The following PRKCB variants were observed in gnomAD, a reference collection of about 807,000 sequenced individuals.
The protein encoded by PRKCB is protein kinase C beta, also known as protein kinase C beta type.
Under a neutral mutation model 81.5 loss-of-function variants are expected in PRKCB, and 13 were observed. The observed-to-expected ratio is 0.16, with a 90% CI of 0.10 to 0.25. PRKCB has a LOEUF of 0.25. Among genes scored for constraint, PRKCB ranks in the 10% least tolerant of loss-of-function variants. The pLI, the probability that PRKCB is intolerant of heterozygous loss-of-function variation, is 1.00. For missense variants in PRKCB, 509 were observed against 875.7 expected (o/e 0.58, Z 5.29); for synonymous variants, 335 against 321.4 (o/e 1.04, Z -0.45).
rs1965316433 is a variant in PRKCB, at chr16:24,018,567, C to A, written c.289-13569C>A. Among the ~76,000 whole-genome samples the A allele has an allele frequency of 2.6e-5, 4 of 152,190 alleles. No homozygotes were observed. In the South Asian group the frequency reaches 8.3e-4, roughly 31 times the overall value. ...AAGCTTAGATGTGGCTACTAATTCA[C>A]CCCTATATTGACATGGACTGCAGTG... On this transcript the variant is annotated intron_variant, in intron 3 of 16. Transcript: ENST00000643927.
intron 5 of PRKCB, among the ~76,000 whole-genome samples, chr16:24,050,989 A>G (rs1965834348): frequency 6.6e-6 from 1 of 151,042 alleles, no homozygotes; most frequent in Admixed American, 6.6e-5. Flanking sequence ...TTCATCTTGT[A>G]GGGTTTGGCC....
chr16:24,066,964 C>T (rs919187791), intron 5 of PRKCB, among the ~76,000 whole-genome samples: 1 of 152,126 alleles, frequency 6.6e-6, no homozygotes, highest in Non-Finnish European at 1.5e-5. Flanking sequence ...ATCTTCCCAC[C>T]TCAGCCTCCT....
intron 10 of PRKCB, among the ~76,000 whole-genome samples, chr16:24,156,703 C>A (rs1326402468): frequency 1.3e-5 from 2 of 152,202 alleles, no homozygotes; most frequent in Non-Finnish European, 2.9e-5. Flanking sequence ...TACACCTAAC[C>A]TTACTAGTCC....
intron 3 of PRKCB, among the ~76,000 whole-genome samples, chr16:24,000,733 T>C (rs1300496883): frequency 6.6e-6 from 1 of 152,182 alleles, no homozygotes; most frequent in Non-Finnish European, 1.5e-5. Context: ...GTACTGACAA[T>C]TCTCTACATT....
chr16:23,997,235 T>C (rs186845050), intron 3 of PRKCB, among the ~76,000 whole-genome samples: 4 of 152,202 alleles, frequency 2.6e-5, no homozygotes, highest in Middle Eastern at 3.4e-3. Flanking sequence ...TAAGGGGAAA[T>C]TGGACACTAC....
At chr16:24,035,334 G>T (rs11643225) in intron 4 of PRKCB, 85 bp from the exon 5 acceptor site, 77,264 of 1,509,964 alleles carry the variant, frequency 0.051, 2,088 homozygotes, top group Non-Finnish European at 0.056. Flanking sequence ...AAACAGGAAG[G>T]GCTCAGCGGT....
chr16:24,021,024 CTTT>C (rs1965363559), intron 3 of PRKCB, among the ~76,000 whole-genome samples: 2 of 140,210 alleles, frequency 1.4e-5, no homozygotes, highest in South Asian at 2.4e-4. Context: ...TTCTTTCTTT[CTTT>C]CTTTCTTTCT....
chr16:23,944,607 C>A (rs764372310), intron 2 of PRKCB, among the ~76,000 whole-genome samples: 5 of 152,184 alleles, frequency 3.3e-5, no homozygotes, highest in Non-Finnish European at 5.9e-5. Context: ...TCCTTCTTGG[C>A]AGGACTTAGG....
At chr16:23,945,546 T>G (rs1352868281) in intron 2 of PRKCB, among the ~76,000 whole-genome samples, 2 of 152,082 alleles carry the variant, frequency 1.3e-5, no homozygotes, top group African/African-American at 4.8e-5. Flanking sequence ...ATGAGGAGCC[T>G]CACTGTGGGC....
intron 2 of PRKCB, among the ~76,000 whole-genome samples, chr16:23,898,386 G>A (rs752888590): frequency 6.6e-6 from 1 of 152,034 alleles, no homozygotes; most frequent in Admixed American, 6.6e-5. Flanking sequence ...ATTTAATTGA[G>A]TGCCTGTTGT....
At chr16:23,987,930 A>G (rs180690720) in intron 2 of PRKCB, among the ~76,000 whole-genome samples, 146 of 152,298 alleles carry the variant, frequency 9.6e-4, no homozygotes, top group Admixed American at 2.6e-3. Context: ...AAATGTGTGT[A>G]TATATGTATT....
intron 5 of PRKCB, among the ~76,000 whole-genome samples, chr16:24,075,310 T>A (rs117266364): frequency 1.3e-5 from 2 of 152,268 alleles, no homozygotes; most frequent in African/African-American, 2.4e-5. Flanking sequence ...CACTGCCCAA[T>A]GCATGCAGCA....
In PRKCB at chr16:24,074,620, T is replaced by G. The variant is rs562124829; in HGVS notation, c.530-18171T>G. Among the ~76,000 whole-genome samples the G allele has an allele frequency of 5.7e-4, 87 of 152,326 alleles. 1 individual carries two copies. Among genetic ancestry groups the G allele is most frequent in the African/African-American group, 1.9e-3 (78 of 41,580 alleles). On this transcript the variant is annotated intron_variant, in intron 5 of 16. Coordinates refer to ENST00000643927, the MANE Select transcript of PRKCB (RefSeq NM_002738.7). ...GAACAAAAAGAACATGTATTTAAAATCAGTAGGCAACAGTGAGTCAGTGAG... is the reference window on the plus strand; with the variant it reads ...GAACAAAAAGAACATGTATTTAAAAGCAGTAGGCAACAGTGAGTCAGTGAG...
chr16:24,190,205 T>G (rs1269150889), intron 15 of PRKCB, among the ~76,000 whole-genome samples: 1 of 152,238 alleles, frequency 6.6e-6, no homozygotes, highest in Admixed American at 6.5e-5. Flanking sequence ...GGCTAGGTTT[T>G]GACTATTTAA....
chr16:23,888,848 A>G (rs1963244916), intron 2 of PRKCB, among the ~76,000 whole-genome samples: 1 of 152,166 alleles, frequency 6.6e-6, no homozygotes, highest in Non-Finnish European at 1.5e-5. Flanking sequence ...ATTATGTCTT[A>G]TATAGGTCCC....
chr16:24,016,059 C>T (rs1351507720), intron 3 of PRKCB, among the ~76,000 whole-genome samples: 1 of 152,094 alleles, frequency 6.6e-6, no homozygotes, highest in East Asian at 1.9e-4. Flanking sequence ...GTAATTCATT[C>T]CCTAGAACCT....
At chr16:23,916,275 T>G (rs923137096) in intron 2 of PRKCB, among the ~76,000 whole-genome samples, 3 of 145,002 alleles carry the variant, frequency 2.1e-5, no homozygotes, top group Non-Finnish European at 4.5e-5. Context: ...CCCAGGCTGG[T>G]CTTGAACTCC....
chr16:24,169,296 T>G (rs1967400873), intron 10 of PRKCB, among the ~76,000 whole-genome samples: 1 of 152,174 alleles, frequency 6.6e-6, no homozygotes, highest in Non-Finnish European at 1.5e-5. Context: ...TGGTCAGGCA[T>G]GGTGCTGGGC....
chr16:23,872,796 C>CATT (rs1326076428), intron 2 of PRKCB, among the ~76,000 whole-genome samples: 63 of 151,746 alleles, frequency 4.2e-4, no homozygotes, highest in African/African-American at 1.4e-3. Flanking sequence ...CTCCTGCTGC[C>CATT]ATTATTATTA....
Sources: allele counts gnomAD v4.1 joint callset (sites outside exome capture counted in the v4.1 genomes callset), GRCh38; gene constraint gnomAD v4.1.1; transcripts MANE v1.5; gene names NCBI Gene and HGNC (gene_info 2026-07-23, HGNC 2026-07-21).